MTDH: variants seen among roughly 807,000 people sequenced by gnomAD.
MTDH encodes metadherin, also known as protein LYRIC.
MTDH carries 34 observed loss-of-function variants against 72.7 expected under a neutral mutation model. That is an observed-to-expected ratio of 0.47 (90% confidence interval 0.36 to 0.62). MTDH has a LOEUF of 0.62. MTDH is among the 20% of genes least tolerant of loss of function. The pLI is 0.00. For synonymous variants in MTDH, 266 were observed against 268.9 expected (o/e 0.99, Z 0.10); for missense variants, 677 against 699.4 (o/e 0.97, Z 0.36).
Position 97,729,707 on chromosome 8 carries a change from G to T in MTDH, c.*5037G>T, listed in dbSNP as rs572506860. 2.0e-5 allele frequency among the ~76,000 whole-genome samples: 3 copies of T among 152,194 alleles called. No homozygotes were observed. Among genetic ancestry groups the T allele is most frequent in the South Asian group, 4.1e-4 (2 of 4,820 alleles). ...AGACAGAGTCTCGTTGCCCAGGCTG[G>T]TCTCCAATTCCTGGGTTCAAGCAAT... On this transcript the variant is annotated 3_prime_UTR_variant, in exon 12 of 12. Coordinates refer to ENST00000336273, the MANE Select transcript of MTDH (RefSeq NM_178812.4).
At chr8:97,665,812 G>A (rs996192194) in intron 2 of MTDH, among the ~76,000 whole-genome samples, 1 of 152,164 alleles carries the variant, frequency 6.6e-6, no homozygotes, top group African/African-American at 2.4e-5. Context: ...GATGATTAAT[G>A]AATCAGTTTT....
At chr8:97,705,659 G>C (rs942990051) in intron 7 of MTDH, among the ~76,000 whole-genome samples, 2 of 152,162 alleles carry the variant, frequency 1.3e-5, no homozygotes, top group Non-Finnish European at 2.9e-5. Flanking sequence ...GTATTAGTGG[G>C]AAATGATTGG....
chr8:97,655,839 A>G (rs1244066027), intron 1 of MTDH, among the ~76,000 whole-genome samples: 1 of 152,268 alleles, frequency 6.6e-6, no homozygotes, highest in Non-Finnish European at 1.5e-5. Context: ...TTTCTGGAGC[A>G]GGTATGCTTT....
intron 7 of MTDH, 56 bp from the exon 8 acceptor site, chr8:97,706,570 G>C (rs1814361874): frequency 4.8e-6 from 7 of 1,454,270 alleles, no homozygotes; most frequent in Non-Finnish European, 6.4e-6. Context: ...TTTAGTTTTT[G>C]CCTTTTAATT....
At chr8:97,701,879 TAATC>T (rs898298900) in intron 7 of MTDH, among the ~76,000 whole-genome samples, 2 of 152,236 alleles carry the variant, frequency 1.3e-5, no homozygotes, top group African/African-American at 4.8e-5. Flanking sequence ...ATTCTATACT[TAATC>T]AAAGTAATAT....
At chr8:97,669,249 A>C (rs1004173554) in intron 2 of MTDH, among the ~76,000 whole-genome samples, 2 of 151,998 alleles carry the variant, frequency 1.3e-5, no homozygotes, top group African/African-American at 4.8e-5. Context: ...CCCTGGGTTC[A>C]AGCAATTCTC....
intron 2 of MTDH, among the ~76,000 whole-genome samples, chr8:97,664,182 C>T (rs965668388): frequency 3.3e-5 from 5 of 152,034 alleles, no homozygotes; most frequent in African/African-American, 9.7e-5. Context: ...ATGGTGAAAC[C>T]CTGTCTCTAC....
At chr8:97,717,404 A>C (rs1814916830) in intron 9 of MTDH, among the ~76,000 whole-genome samples, 1 of 152,186 alleles carries the variant, frequency 6.6e-6, no homozygotes, top group African/African-American at 2.4e-5. Context: ...AAACTTCATA[A>C]AAGTTTGAAA....
intron 5 of MTDH, 53 bp downstream of exon 5, chr8:97,689,156 A>G (rs554191896): frequency 3.3e-5 from 31 of 940,908 alleles, no homozygotes; most frequent in East Asian, 2.4e-5. Context: ...ATAGAAATTT[A>G]TATACATACC....
At chr8:97,720,539 G>A (rs556111515) in intron 10 of MTDH, among the ~76,000 whole-genome samples, 3 of 151,942 alleles carry the variant, frequency 2.0e-5, no homozygotes, top group African/African-American at 7.2e-5. Context: ...TTGCGCCACT[G>A]CACTCCAGCC....
chr8:97,713,854 G>A (rs1409362595), intron 9 of MTDH, 85 bp downstream of exon 9: 1 of 690,070 alleles, frequency 1.4e-6, no homozygotes, highest in Non-Finnish European at 2.3e-6. Flanking sequence ...AAAATACATA[G>A]AGATAAAAGA....
At chr8:97,718,096 G>C (rs1223893309) in intron 9 of MTDH, among the ~76,000 whole-genome samples, 1 of 151,972 alleles carries the variant, frequency 6.6e-6, no homozygotes, top group Non-Finnish European at 1.5e-5. Flanking sequence ...ATGTTGCCCA[G>C]GCTGGAGTGC....
At chr8:97,681,626 TGTGA>T (rs1813079101) in intron 2 of MTDH, among the ~76,000 whole-genome samples, 1 of 151,650 alleles carries the variant, frequency 6.6e-6, no homozygotes, top group Non-Finnish European at 1.5e-5. Flanking sequence ...CCCGAGTAGC[TGTGA>T]TTACAGGCAT....
chr8:97,719,210 A>G, intron 10 of MTDH, 21 bp downstream of exon 10: 1 of 1,608,988 alleles, frequency 6.2e-7, no homozygotes, highest in Non-Finnish European at 8.5e-7. Flanking sequence ...AGAATAATAA[A>G]GTTGCCGGGC....
chr8:97,686,681 A>G lies in MTDH; in HGVS notation c.497A>G (p.Lys166Arg). The G allele has an allele frequency of 6.4e-7, 1 of 1,572,906 alleles. No homozygotes were observed. Among genetic ancestry groups the G allele is most frequent in the Non-Finnish European group, 8.6e-7 (1 of 1,162,138 alleles). Residue 166 changes from lysine (K) to arginine (R), a missense_variant, in exon 3 of 12, where the codon AAG (lysine) becomes AGG (arginine). This residue lies in a region of MTDH where 467 missense variants were observed against 469.1 expected (regional missense o/e 1.00). Transcript: ENST00000336273. ...TTTTACTTTCAGTCAAAGAAAAATA[A>G]GAAGAAATCAAAGTCAGATGCTAAA... ...DKKNEKSKKN[K>R]KKSKSDAKAV...
intron 6 of MTDH, among the ~76,000 whole-genome samples, chr8:97,692,426 G>A (rs952943121): frequency 3.3e-4 from 50 of 151,726 alleles, no homozygotes; most frequent in African/African-American, 1.2e-3. Flanking sequence ...ACGCTGGAGT[G>A]CAATGGCATG....
At position 97,646,235 on chromosome 8, in the gene MTDH, T is replaced by A. The variant is rs375840758; in HGVS notation, c.381+1348T>A. On this transcript the variant is annotated intron_variant, in intron 1 of 11. Coordinates refer to ENST00000336273, the MANE Select transcript of MTDH (RefSeq NM_178812.4). ...GTGACAGGTCACAGTTAGTGCATTA[T>A]GAGGCCTGGATAGGCCTTCACGTTT... Among the ~76,000 whole-genome samples, 438 of 152,318 alleles carry A rather than the reference T, an allele frequency of 2.9e-3. 3 individuals carry two copies. The highest frequency in any genetic ancestry group is 0.01 in the African/African-American group (419 of 41,564).
intron 2 of MTDH, among the ~76,000 whole-genome samples, chr8:97,662,477 G>A (rs1333338556): frequency 6.6e-6 from 1 of 151,230 alleles, no homozygotes; most frequent in African/African-American, 2.4e-5. Context: ...TAGCTTCTTG[G>A]AATAGTGGTA....
At chr8:97,672,019 C>T (rs962119057) in intron 2 of MTDH, among the ~76,000 whole-genome samples, 3 of 151,826 alleles carry the variant, frequency 2.0e-5, no homozygotes, top group African/African-American at 7.2e-5. Context: ...TAAAACAGCT[C>T]TTAGCAAAAC....
Sources: gnomAD v4.1 joint callset for allele counts (sites outside exome capture counted in the v4.1 genomes callset) on GRCh38, gnomAD v4.1.1 for gene constraint, gnomAD v4.1.1 regional missense constraint, MANE v1.5 for transcripts, NCBI Gene and HGNC (gene_info 2026-07-23, HGNC 2026-07-21) for gene names.